Variants in TULP4 observed in about 807,000 individuals in gnomAD.
The protein encoded by TULP4 is TUB like protein 4.
Under a neutral mutation model 129.0 loss-of-function variants are expected in TULP4, and 16 were observed. That is an observed-to-expected ratio of 0.12 (90% CI 0.08 to 0.19). The LOEUF (loss-of-function observed/expected upper bound fraction) is 0.19. Among genes scored for constraint, TULP4 ranks in the 10% least tolerant of loss-of-function variants. TULP4 has a pLI of 1.00. For missense variants in TULP4, 1,842 were observed against 2,059.1 expected, an observed-to-expected ratio of 0.89 and a Z score of 2.04; for synonymous variants, 998 against 854.0, an observed-to-expected ratio of 1.17 and a Z score of -2.94.
chr6:158,293,084 A>T (rs1366826360), intron 1 of TULP4, among the ~76,000 whole-genome samples: 1 of 152,192 alleles, frequency 6.6e-6, no homozygotes, highest in Non-Finnish European at 1.5e-5. Flanking sequence ...TTAAACTACT[A>T]ATCAAGCAGT....
intron 1 of TULP4, among the ~76,000 whole-genome samples, chr6:158,291,556 G>T (rs1011656131): frequency 6.6e-6 from 1 of 151,982 alleles, no homozygotes; most frequent in Non-Finnish European, 1.5e-5. Context: ...ATATTGTGCT[G>T]CTTCTTGTGT....
At chr6:158,318,553 A>G (rs955942700) in intron 1 of TULP4, among the ~76,000 whole-genome samples, 1 of 152,228 alleles carries the variant, frequency 6.6e-6, no homozygotes, top group African/African-American at 2.4e-5. Flanking sequence ...TCAGGCTTTA[A>G]AGATGTTAAA....
chr6:158,232,456 G>C (rs1355042529), intron 1 of TULP4, among the ~76,000 whole-genome samples: 1 of 149,982 alleles, frequency 6.7e-6, no homozygotes, highest in East Asian at 2.0e-4. Context: ...GGCGGGGGTC[G>C]GGGCGGTGGC....
At chr6:158,244,288 C>A (rs540423577) in intron 1 of TULP4, among the ~76,000 whole-genome samples, 4 of 152,074 alleles carry the variant, frequency 2.6e-5, no homozygotes, top group African/African-American at 7.2e-5. Context: ...CAGAGCAGAC[C>A]ATTTTTAAAA....
At chr6:158,435,016 C>T (rs181868351) in intron 3 of TULP4, among the ~76,000 whole-genome samples, 8 of 152,354 alleles carry the variant, frequency 5.3e-5, no homozygotes, top group East Asian at 1.9e-4. Context: ...TGGGAGACAA[C>T]GGGCTCTGCC....
At chr6:158,476,892 C>T (rs1779832961) in intron 6 of TULP4, among the ~76,000 whole-genome samples, 3 of 152,156 alleles carry the variant, frequency 2.0e-5, no homozygotes, top group Admixed American at 6.5e-5. Flanking sequence ...AGATAAGGAC[C>T]AGCAGTGGAG....
rs1344912265 is a variant in TULP4 at position 158,509,246 on chromosome 6, A to G, written c.*2552A>G. On this transcript the variant is annotated 3_prime_UTR_variant, in exon 14 of 14. Coordinates refer to ENST00000367097, the MANE Select transcript of TULP4 (RefSeq NM_020245.5). Reference sequence around the variant, plus strand: ...CTTTTCTAATTGGGAAAAAATTCCTATTAATCACTTAAAAATTTTTTTTTG... The same window carrying G: ...CTTTTCTAATTGGGAAAAAATTCCTGTTAATCACTTAAAAATTTTTTTTTG... The G allele has an allele frequency of 6.6e-6, 1 of 152,034 alleles. No individual in the cohort carries two copies. The highest frequency in any genetic ancestry group is 1.5e-5 in the Non-Finnish European group (1 of 68,026). 9.4% of individuals were successfully genotyped at this position (152,034 alleles called of 1,614,324 possible). A position where few individuals can be genotyped will look rare whatever the true frequency, so the allele number is the denominator to read the frequency against.
intron 3 of TULP4, among the ~76,000 whole-genome samples, chr6:158,444,370 C>T (rs990407328): frequency 6.6e-6 from 1 of 150,836 alleles, no homozygotes; most frequent in African/African-American, 2.4e-5. Flanking sequence ...ATGCGTGCCA[C>T]CAGAGGTGCT....
At chr6:158,470,944 G>A (rs1779667614) in intron 6 of TULP4, among the ~76,000 whole-genome samples, 1 of 152,212 alleles carries the variant, frequency 6.6e-6, no homozygotes, top group Non-Finnish European at 1.5e-5. Flanking sequence ...AAGGCAGAGA[G>A]AGGATGGTAA....
In TULP4 at chr6:158,315,338, T is replaced by C. The variant is rs572431513; in HGVS notation, c.252+1070T>C. ...GAGAGTGTCTCTGAGGCCTCTTTTA[T>C]GAGGCCACTAATCCCATACATGAGG... On this transcript the variant is annotated intron_variant, in intron 1 of 13. Transcript: ENST00000367097. Among the ~76,000 whole-genome samples, 110 of 152,262 alleles carry C rather than the reference T, an allele frequency of 7.2e-4. 2 individuals carry two copies. The highest frequency in any genetic ancestry group is 5.4e-4 in the Non-Finnish European group (37 of 68,018).
intron 1 of TULP4, among the ~76,000 whole-genome samples, chr6:158,297,113 A>T (rs1366706689): frequency 6.6e-6 from 1 of 152,038 alleles, no homozygotes; most frequent in Non-Finnish European, 1.5e-5. Flanking sequence ...CATAGGACAG[A>T]CACTCCCAGA....
Position 158,314,172 on chromosome 6 carries a change from A to T in TULP4, c.156A>T (p.Arg52=). The change falls in exon 1 of 14, where the codon CGA becomes CGT. Residue 52 remains arginine (R), a synonymous_variant. Transcript: ENST00000367097. ...EEGWLATGNG[R]GVVGVTFTSS... ...GCTGGCTGGCCACGGGCAACGGGCG[A>T]GGAGTGGTTGGGGTGACTTTCACCT... 1 of 1,614,154 alleles carries T rather than the reference A, an allele frequency of 6.2e-7. No homozygotes were observed. Among genetic ancestry groups the T allele is most frequent in the Non-Finnish European group, 8.5e-7 (1 of 1,180,038 alleles).
chr6:158,431,803 A>G (rs1207740771), intron 3 of TULP4, among the ~76,000 whole-genome samples: 2 of 152,110 alleles, frequency 1.3e-5, no homozygotes, highest in Non-Finnish European at 2.9e-5. Context: ...GACAATGGCC[A>G]TGGGAAGCAT....
At chr6:158,392,519 C>G (rs1173102651) in intron 1 of TULP4, among the ~76,000 whole-genome samples, 1 of 152,160 alleles carries the variant, frequency 6.6e-6, no homozygotes, top group East Asian at 1.9e-4. Flanking sequence ...GCTTTTTTCT[C>G]ATAATCACAA....
Position 158,413,295 on chromosome 6 carries a change from C to G in TULP4, c.381+102C>G, listed in dbSNP as rs1352869045. 1 of 1,322,056 alleles carries G rather than the reference C, an allele frequency of 7.6e-7. No homozygotes were observed. The highest frequency in any genetic ancestry group is 2.5e-5 in the East Asian group (1 of 40,462). The allele number at this position is 1,322,056 out of a possible 1,614,324, so 81.9% of individuals were successfully genotyped here. A position where few individuals can be genotyped will look rare whatever the true frequency, so the allele number is the denominator to read the frequency against. ...CGTTAGCACCACACAGCGCCACGTG[C>G]TCCAGAGCTGGGGGAAGAGAAATCA... On this transcript the variant is annotated intron_variant, in intron 2 of 13. Coordinates refer to ENST00000367097, the MANE Select transcript of TULP4 (RefSeq NM_020245.5). The surrounding 1 kb of genome is among the most constrained non-coding windows in gnomAD (Gnocchi z 4.9).
intron 8 of TULP4, among the ~76,000 whole-genome samples, chr6:158,488,908 A>G (rs1461521299): frequency 6.6e-6 from 1 of 152,080 alleles, no homozygotes; most frequent in Admixed American, 6.6e-5. Context: ...CAGTTTTGCC[A>G]TCATCCCACT....
At chr6:158,366,094 G>A (rs907803796) in intron 1 of TULP4, among the ~76,000 whole-genome samples, 9 of 151,026 alleles carry the variant, frequency 6.0e-5, no homozygotes, top group East Asian at 3.9e-4. Flanking sequence ...TAGTAGAAAC[G>A]GGGTTTCACC....
intron 6 of TULP4, among the ~76,000 whole-genome samples, chr6:158,477,040 ATTCAGGTATG>A (rs1779837576): frequency 2.6e-5 from 4 of 152,162 alleles, no homozygotes; most frequent in Admixed American, 2.6e-4. Context: ...GATGCAGTGA[ATTCAGGTATG>A]TGAGCATTTG....
At chr6:158,252,577 C>T (rs556364515) in intron 1 of TULP4, among the ~76,000 whole-genome samples, 7 of 152,120 alleles carry the variant, frequency 4.6e-5, no homozygotes, top group Admixed American at 1.3e-4. Flanking sequence ...GGTTTCACCA[C>T]GTTGGCCAGG....
Sources: gnomAD v4.1 joint callset for allele counts (sites outside exome capture counted in the v4.1 genomes callset) on GRCh38, gnomAD v4.1.1 for gene constraint, Gnocchi (gnomAD v3.1) non-coding constraint, MANE v1.5 for transcripts, NCBI Gene and HGNC (gene_info 2026-07-23, HGNC 2026-07-21) for gene names.